Variants in CNTNAP2 observed in about 807,000 individuals in gnomAD.
The protein encoded by CNTNAP2 is contactin-associated protein-like 2.
Under a neutral mutation model 155.2 loss-of-function variants are expected in CNTNAP2, and 98 were observed. The ratio of observed to expected loss-of-function variants is 0.63; its 90% confidence interval spans 0.54 to 0.75. CNTNAP2 has a LOEUF of 0.75. Ranked by LOEUF, CNTNAP2 falls within the 30% of genes least tolerant of loss-of-function variation. The pLI, the probability that CNTNAP2 is intolerant of heterozygous loss-of-function variation, is 0.00. For missense variants in CNTNAP2, 1,727 were observed against 1,688.1 expected (o/e 1.02, Z -0.40); for synonymous variants, 651 against 631.2 (o/e 1.03, Z -0.47).
intron 4 of CNTNAP2, among the ~76,000 whole-genome samples, chr7:147,073,223 T>C (rs528492472): frequency 5.0e-4 from 61 of 123,002 alleles, no homozygotes; most frequent in African/African-American, 3.1e-3. Context: ...CAAAATACTA[T>C]GTAGCCATAA....
intron 10 of CNTNAP2, among the ~76,000 whole-genome samples, chr7:147,438,345 A>G (rs1797585410): frequency 1.3e-5 from 2 of 152,022 alleles, no homozygotes; most frequent in South Asian, 4.1e-4. Context: ...GTATCAGATA[A>G]TTTTTCAGCA....
intron 11 of CNTNAP2, among the ~76,000 whole-genome samples, chr7:147,494,814 G>C (rs879495512): frequency 2.0e-5 from 3 of 152,138 alleles, no homozygotes; most frequent in Non-Finnish European, 4.4e-5. Context: ...AAGAGAATTA[G>C]AGTAAAAAAT....
At chr7:147,277,182 G>T (rs1804914927) in intron 8 of CNTNAP2, among the ~76,000 whole-genome samples, 1 of 151,946 alleles carries the variant, frequency 6.6e-6, no homozygotes, top group Non-Finnish European at 1.5e-5. Context: ...CACTAACTAT[G>T]GCTATGTACA....
At chr7:146,167,075 G>T (rs1045889613) in intron 1 of CNTNAP2, among the ~76,000 whole-genome samples, 15 of 152,132 alleles carry the variant, frequency 9.9e-5, no homozygotes, top group Admixed American at 9.2e-4. Context: ...ACAACTGGGC[G>T]CATAGCAGTT....
At chr7:146,151,663 T>A (rs1231108313) in intron 1 of CNTNAP2, among the ~76,000 whole-genome samples, 4 of 44,000 alleles carry the variant, frequency 9.1e-5, no homozygotes, top group African/African-American at 3.7e-4. Flanking sequence ...TATATATATA[T>A]ATATATATAT....
At chr7:146,958,206 C>T (rs1797475837) in intron 3 of CNTNAP2, among the ~76,000 whole-genome samples, 1 of 152,014 alleles carries the variant, frequency 6.6e-6, no homozygotes, top group Non-Finnish European at 1.5e-5. Flanking sequence ...GGGAAGAAAA[C>T]ATTTAGAAAA....
At chr7:146,293,337 T>G (rs1800461885) in intron 1 of CNTNAP2, among the ~76,000 whole-genome samples, 1 of 152,284 alleles carries the variant, frequency 6.6e-6, no homozygotes, top group Admixed American at 6.5e-5. Context: ...GTTTTAGACC[T>G]GAAACAATTA....
At chr7:147,975,563 C>G (rs1164738390) in intron 14 of CNTNAP2, among the ~76,000 whole-genome samples, 2 of 152,134 alleles carry the variant, frequency 1.3e-5, no homozygotes, top group Non-Finnish European at 2.9e-5. Context: ...CCACAAGTAG[C>G]AGAGCACCTT....
chr7:147,159,684 T>G (rs1432552265), intron 8 of CNTNAP2, among the ~76,000 whole-genome samples: 1 of 152,228 alleles, frequency 6.6e-6, no homozygotes, highest in South Asian at 2.1e-4. Context: ...TCCATACTTA[T>G]GAATTCTCTT....
chr7:148,121,363 G>C (rs1053744016), intron 16 of CNTNAP2, among the ~76,000 whole-genome samples: 1 of 152,158 alleles, frequency 6.6e-6, no homozygotes, highest in African/African-American at 2.4e-5. Context: ...CAGACACTTC[G>C]CCATCAGGAT....
intron 1 of CNTNAP2, among the ~76,000 whole-genome samples, chr7:146,675,098 T>A (rs1800376005): frequency 6.6e-6 from 1 of 152,148 alleles, no homozygotes; most frequent in African/African-American, 2.4e-5. Flanking sequence ...AAACATTACA[T>A]CTTATTTATT....
chr7:147,067,950 G>A (rs1799815228), intron 4 of CNTNAP2, among the ~76,000 whole-genome samples: 1 of 152,168 alleles, frequency 6.6e-6, no homozygotes, highest in Non-Finnish European at 1.5e-5. Flanking sequence ...CAGGTGTCTG[G>A]GCATGGCCTA....
chr7:147,746,457 G>A lies in CNTNAP2; in HGVS notation c.2098+107151G>A, dbSNP rs184297603. Among the ~76,000 whole-genome samples, 269 of 152,220 alleles carry A rather than the reference G, an allele frequency of 1.8e-3. 1 individual carries two copies. Among genetic ancestry groups the A allele is most frequent in the South Asian group, 3.1e-3 (15 of 4,818 alleles). ...AAGCCAGTCTCACACGTCTTCCGCT[G>A]GGACGAGGACGAAATATTTATAAGT... On this transcript the variant is annotated intron_variant, in intron 13 of 23. Transcript: ENST00000361727.
At chr7:147,973,918 T>G (rs1171146436) in intron 14 of CNTNAP2, among the ~76,000 whole-genome samples, 1 of 152,152 alleles carries the variant, frequency 6.6e-6, no homozygotes, top group Non-Finnish European at 1.5e-5. Flanking sequence ...ATGATTATTA[T>G]TCTCACTTAA....
chr7:146,528,262 A>T (rs1797719882), intron 1 of CNTNAP2, among the ~76,000 whole-genome samples: 1 of 152,144 alleles, frequency 6.6e-6, no homozygotes, highest in Admixed American at 6.6e-5. Context: ...TGGGTTGGAG[A>T]GTTTTGGCAA....
intron 9 of CNTNAP2, among the ~76,000 whole-genome samples, chr7:147,305,923 T>C (rs532464535): frequency 2.2e-4 from 34 of 152,258 alleles, no homozygotes; most frequent in African/African-American, 7.7e-4. Flanking sequence ...ATTCTCTGGC[T>C]TATAGATACC....
At chr7:148,275,554 T>C (rs999659644) in intron 21 of CNTNAP2, among the ~76,000 whole-genome samples, 5 of 152,250 alleles carry the variant, frequency 3.3e-5, no homozygotes, top group African/African-American at 1.2e-4. Context: ...GTGGTTGTTC[T>C]GCTTCATGAC....
At chr7:147,542,046 G>A (rs1212782016) in intron 11 of CNTNAP2, among the ~76,000 whole-genome samples, 1 of 152,138 alleles carries the variant, frequency 6.6e-6, no homozygotes, top group African/African-American at 2.4e-5. Flanking sequence ...AGGGTGAGAA[G>A]ATGACTATCA....
chr7:147,699,250 C>G (rs544017889), intron 13 of CNTNAP2, among the ~76,000 whole-genome samples: 94 of 150,064 alleles, frequency 6.3e-4, no homozygotes, highest in African/African-American at 2.1e-3. Context: ...AAAAAAAACG[C>G]TTTTTAAAAG....
Sources: allele counts gnomAD v4.1 joint callset (sites outside exome capture counted in the v4.1 genomes callset), GRCh38; gene constraint gnomAD v4.1.1; transcripts MANE v1.5; gene names NCBI Gene and HGNC (gene_info 2026-07-23, HGNC 2026-07-21).